The following CTBS variants were observed in gnomAD, a reference collection of about 807,000 sequenced individuals.
CTBS encodes chitobiase.
Under a neutral mutation model 44.3 loss-of-function variants are expected in CTBS, and 35 were observed. That is an observed-to-expected ratio of 0.79 (90% confidence interval 0.60 to 1.05). CTBS has a LOEUF of 1.05. CTBS is among the 50% of genes least tolerant of loss of function. The probability of loss-of-function intolerance (pLI) is 0.00; values close to 1 mark genes in which losing one functional copy is unlikely to be tolerated. For synonymous variants in CTBS, 143 were observed against 168.0 expected, an observed-to-expected ratio of 0.85 and a Z score of 1.15; for missense variants, 458 against 475.3, an observed-to-expected ratio of 0.96 and a Z score of 0.34.
chr1:84,571,573 T>C (rs940915070), intron 1 of CTBS, among the ~76,000 whole-genome samples: 5 of 152,244 alleles, frequency 3.3e-5, no homozygotes, highest in Non-Finnish European at 5.9e-5. Flanking sequence ...TGATTATTTT[T>C]ATTTTATTCC....
chr1:84,555,578 T>C (rs1684405531), intron 6 of CTBS, among the ~76,000 whole-genome samples: 1 of 152,240 alleles, frequency 6.6e-6, no homozygotes, highest in Non-Finnish European at 1.5e-5. Flanking sequence ...TATGGCACTT[T>C]TAACAATGGC....
At position 84,554,763 on chromosome 1, in the gene CTBS, A is replaced by C; in HGVS notation, c.*236T>G. 2.6e-6 allele frequency: 1 copy of C among 384,604 alleles called. No individual in the cohort carries two copies. The highest frequency in any genetic ancestry group is 4.6e-6 in the Non-Finnish European group (1 of 215,256). The allele number at this position is 384,604 out of a possible 1,614,324, so 23.8% of individuals were successfully genotyped here. On this transcript the variant is annotated 3_prime_UTR_variant, in exon 7 of 7. Transcript: ENST00000370630. ...TTTTCCCAATTAAATTATAGTGTTG[A>C]AACATCTAATAGAGGAATATTTAAT...
At chr1:84,572,164 T>A (rs1226805816) in intron 1 of CTBS, among the ~76,000 whole-genome samples, 2 of 152,154 alleles carry the variant, frequency 1.3e-5, no homozygotes, top group Admixed American at 6.6e-5. Context: ...GGGGAATGAA[T>A]GAGGGAGAGA....
At chr1:84,573,565 A>G (rs1211123677) in intron 1 of CTBS, among the ~76,000 whole-genome samples, 1 of 152,238 alleles carries the variant, frequency 6.6e-6, no homozygotes, top group Non-Finnish European at 1.5e-5. Context: ...GCCTATTTCT[A>G]CAAAAGAATC....
chr1:84,550,429 C>T lies in CTBS; in HGVS notation c.*4570G>A, dbSNP rs17111308. On this transcript the variant is annotated 3_prime_UTR_variant, in exon 7 of 7. Coordinates refer to ENST00000370630, the MANE Select transcript of CTBS (RefSeq NM_004388.3). ...CTAAATAAATATCTATCTATCCACACAGAATTACCTAATAATCCAGATCAC... is the reference window on the plus strand; with the variant it reads ...CTAAATAAATATCTATCTATCCACATAGAATTACCTAATAATCCAGATCAC... 0.035 allele frequency: 52,498 copies of T among 1,487,474 alleles called. 2,141 individuals carry two copies. The highest frequency in any genetic ancestry group is 0.19 in the African/African-American group (13,501 of 69,928). The allele number at this position is 1,487,474 out of a possible 1,614,324, so 92.1% of individuals were successfully genotyped here. A position where few individuals can be genotyped will look rare whatever the true frequency, so the allele number is the denominator to read the frequency against.
chr1:84,571,987 G>C (rs1262015746), intron 1 of CTBS, among the ~76,000 whole-genome samples: 1 of 152,200 alleles, frequency 6.6e-6, no homozygotes, highest in South Asian at 2.1e-4. Flanking sequence ...CAGAAATCCT[G>C]CAAGTATGTG....
rs1198925351 is a variant in CTBS, at chr1:84,553,022, A to G, written c.*1977T>C. 4 of 1,488,790 alleles carry G rather than the reference A, an allele frequency of 2.7e-6. No individual in the cohort carries two copies. Among genetic ancestry groups the G allele is most frequent in the Admixed American group, 2.4e-5 (1 of 41,014 alleles). 92.2% of individuals were successfully genotyped at this position (1,488,790 alleles called of 1,614,324 possible). A position where few individuals can be genotyped will look rare whatever the true frequency, so the allele number is the denominator to read the frequency against. ...TGATGAAGTTCATTTTTGAAAAGTA[A>G]TTCTTTTTATAGATGAGAAAACAAG... On this transcript the variant is annotated 3_prime_UTR_variant, in exon 7 of 7. Transcript: ENST00000370630.
Position 84,551,029 on chromosome 1 carries a change from A to C in CTBS, c.*3970T>G, listed in dbSNP as rs1684254511. ...TGCCTTAGTTAACTTTGTTTCTCCC[A>C]TGGGACCTTTTGTATAGCAGATGCT... On this transcript the variant is annotated 3_prime_UTR_variant, in exon 7 of 7. Coordinates refer to ENST00000370630, the MANE Select transcript of CTBS (RefSeq NM_004388.3). The C allele has an allele frequency of 3.0e-6, 3 of 985,242 alleles. No individual in the cohort carries two copies. The African/African-American group carries it at 5.2e-5, about 17-fold the overall frequency. 61.0% of individuals were successfully genotyped at this position (985,242 alleles called of 1,614,324 possible).
At chr1:84,572,232 T>G (rs1647332242) in intron 1 of CTBS, among the ~76,000 whole-genome samples, 1 of 152,190 alleles carries the variant, frequency 6.6e-6, no homozygotes, top group South Asian at 2.1e-4. Flanking sequence ...TTTTTAATTT[T>G]TTTTAACTTT....
chr1:84,557,691 T>TA (rs1052657623), intron 6 of CTBS, among the ~76,000 whole-genome samples: 8 of 150,846 alleles, frequency 5.3e-5, no homozygotes, highest in Non-Finnish European at 8.9e-5. Flanking sequence ...CCGTCTCTAT[T>TA]AAAAAAATAC....
intron 3 of CTBS, among the ~76,000 whole-genome samples, chr1:84,566,485 A>G (rs1273817531): frequency 6.6e-6 from 1 of 152,188 alleles, no homozygotes; most frequent in Admixed American, 6.5e-5. Flanking sequence ...ATTCACAATC[A>G]CCTTATATGG....
At chr1:84,565,175 G>A (rs1406143814) in intron 4 of CTBS, among the ~76,000 whole-genome samples, 1 of 151,900 alleles carries the variant, frequency 6.6e-6, no homozygotes, top group Non-Finnish European at 1.5e-5. Flanking sequence ...CTCCAGCCTG[G>A]GTGATGGAGT....
intron 6 of CTBS, chr1:84,555,897 G>A (rs1684415891): frequency 6.6e-6 from 1 of 152,162 alleles, no homozygotes; most frequent in South Asian, 2.1e-4. Flanking sequence ...GTGCTTTTTT[G>A]TATTCTCTGT....
chr1:84,568,743 T>C (rs1647206596), intron 3 of CTBS, among the ~76,000 whole-genome samples: 1 of 152,154 alleles, frequency 6.6e-6, no homozygotes. Context: ...CCAGTGCTGT[T>C]CTCGTGATAG....
chr1:84,563,693 A>G (rs41284597), intron 5 of CTBS, 42 bp downstream of exon 5: 1 of 1,209,094 alleles, frequency 8.3e-7, no homozygotes, highest in Non-Finnish European at 1.2e-6. Context: ...TCTAAAAAAT[A>G]TAATAGATAA....
At chr1:84,555,255 C>A in intron 6 of CTBS, 56 bp from the exon 7 acceptor site, 1 of 1,347,406 alleles carries the variant, frequency 7.4e-7, no homozygotes. Context: ...TTCAGCACCA[C>A]AGGAAAGGGA....
At chr1:84,563,537 A>T in intron 5 of CTBS, 119 bp from the exon 6 acceptor site, 1 of 753,952 alleles carries the variant, frequency 1.3e-6, no homozygotes, top group East Asian at 3.2e-5. Context: ...CTGACTATAC[A>T]GAAAAAAGGT....
chr1:84,563,975 C>A, intron 4 of CTBS, 143 bp from the exon 5 acceptor site: 1 of 936,618 alleles, frequency 1.1e-6, no homozygotes, highest in Non-Finnish European at 1.4e-6. Context: ...TGTTATAAAA[C>A]ATCCCTTAAG....
At position 84,574,235 on chromosome 1, in the gene CTBS, T is replaced by C. The variant is rs1307943845; in HGVS notation, c.177+4A>G. On this transcript the variant is annotated splice_donor_region_variant and intron_variant, in intron 1 of 6. Coordinates refer to ENST00000370630, the MANE Select transcript of CTBS (RefSeq NM_004388.3). ...GACCTAGAGGAGCAGAGGAAGGCGC[T>C]GACCTCGAAATCTGGATGGTGGCGA... The C allele has an allele frequency of 1.9e-6, 3 of 1,605,482 alleles. No homozygotes were observed. The highest frequency in any genetic ancestry group is 2.5e-6 in the Non-Finnish European group (3 of 1,176,746).
Sources: allele counts gnomAD v4.1 joint callset (sites outside exome capture counted in the v4.1 genomes callset), GRCh38; gene constraint gnomAD v4.1.1; transcripts MANE v1.5; gene names NCBI Gene and HGNC (gene_info 2026-07-23, HGNC 2026-07-21).